Variants in POLN observed in about 807,000 individuals in gnomAD.
POLN encodes DNA polymerase N.
POLN carries 108 observed loss-of-function variants against 113.5 expected under a neutral mutation model. The ratio of observed to expected loss-of-function variants is 0.95; its 90% CI spans 0.81 to 1.12. The LOEUF (loss-of-function observed/expected upper bound fraction) is 1.12, where lower values mean the gene tolerates loss of function less well. Ranked by LOEUF, POLN falls within the 50% of genes most tolerant of loss-of-function variation. POLN has a pLI of 0.00. For missense variants in POLN, 1,097 were observed against 1,077.1 expected (o/e 1.02, Z -0.26); for synonymous variants, 386 against 391.5 (o/e 0.99, Z 0.17).
At chr4:2,174,507 C>T (rs953987613) in intron 10 of POLN, among the ~76,000 whole-genome samples, 184 bp downstream of exon 10, 15 of 152,250 alleles carry the variant, frequency 9.9e-5, no homozygotes, top group African/African-American at 2.6e-4. Flanking sequence ...CGAGTCTTTC[C>T]ACACCAAGAG....
At position 2,187,408 on chromosome 4, in the gene POLN, T is replaced by C. The variant is rs139359267; in HGVS notation, c.1021+5796A>G. On this transcript the variant is annotated intron_variant, in intron 7 of 25. Coordinates refer to ENST00000511885, the MANE Select transcript of POLN (RefSeq NM_181808.4). The stretch of plus-strand genomic sequence containing the variant: ...ACAGGTATGTGCCACCATGCCCGGC[T>C]CACTTTTGAATTTTTAGTAGAGACA... 3.0e-4 allele frequency among the ~76,000 whole-genome samples: 45 copies of C among 152,124 alleles called. 1 individual carries two copies. Among genetic ancestry groups the C allele is most frequent in the African/African-American group, 1.1e-3 (44 of 41,488 alleles).
chr4:2,148,670 C>CA (rs763357915), intron 16 of POLN, among the ~76,000 whole-genome samples: 11,884 of 62,700 alleles, frequency 0.19, 710 homozygotes, highest in African/African-American at 0.23. Context: ...CTGTCCCCCC[C>CA]CCAAAAAAAA....
chr4:2,129,410 T>TG (rs1256568422), intron 17 of POLN, among the ~76,000 whole-genome samples, 154 bp from the exon 18 acceptor site: 1 of 152,162 alleles, frequency 6.6e-6, no homozygotes, highest in African/African-American at 2.4e-5. Context: ...ATTTTAGAGA[T>TG]GGGGGTCTCA....
At chr4:2,137,995 C>T (rs904661299) in intron 16 of POLN, among the ~76,000 whole-genome samples, 16 of 152,222 alleles carry the variant, frequency 1.1e-4, no homozygotes, top group South Asian at 4.1e-4. Context: ...TACGCCACCA[C>T]GCCCAGCTAA....
At chr4:2,103,531 C>A (rs1730979977) in intron 19 of POLN, among the ~76,000 whole-genome samples, 1 of 152,086 alleles carries the variant, frequency 6.6e-6, no homozygotes, top group Non-Finnish European at 1.5e-5. Flanking sequence ...GCTCAGAAAA[C>A]CTATTTAATA....
At chr4:2,240,893 T>C in intron 2 of POLN, 1 of 1,604,040 alleles carries the variant, frequency 6.2e-7, no homozygotes, top group Non-Finnish European at 8.5e-7. Flanking sequence ...GATTATCAGC[T>C]TTGGGATAAC....
In POLN at chr4:2,121,444, A is replaced by AT. The variant is rs1361908101; in HGVS notation, c.1982+6668_1982+6669insA. Among the ~76,000 whole-genome samples, 302 of 77,598 alleles carry AT rather than the reference A, an allele frequency of 3.9e-3. 4 individuals carry two copies. In the East Asian group the frequency reaches 0.069, roughly 18 times the overall value. 50.9% of individuals were successfully genotyped at this position (77,598 alleles called of 152,430 possible). On this transcript the variant is annotated intron_variant, in intron 19 of 25. Transcript: ENST00000511885. Reference sequence around the variant, plus strand: ...AGCGAGACTCTGTCTCAAAAAAAAAAAAAAAAAAATATATATATATATCCA... The same window carrying AT: ...AGCGAGACTCTGTCTCAAAAAAAAAATAAAAAAAAATATATATATATATCCA...
chr4:2,093,756 A>AC lies in POLN; in HGVS notation c.2065+2094_2065+2095insG, dbSNP rs1730718791. ...AGCAACTCTGAGGAGAATCAATCCA[A>AC]TGTCACACTACTGTCACTCACAGAA... On this transcript the variant is annotated intron_variant, in intron 20 of 25. Transcript: ENST00000511885. The surrounding 1 kb of genome is among the most constrained non-coding windows in gnomAD (Gnocchi z 4.1). Among the ~76,000 whole-genome samples the AC allele has an allele frequency of 1.3e-5, 2 of 152,304 alleles. No homozygotes were observed. Among genetic ancestry groups the AC allele is most frequent in the Non-Finnish European group, 2.9e-5 (2 of 68,024 alleles).
chr4:2,155,551 C>G (rs1732403167), intron 16 of POLN, among the ~76,000 whole-genome samples: 1 of 152,098 alleles, frequency 6.6e-6, no homozygotes, highest in South Asian at 2.1e-4. Flanking sequence ...GAAGGCCTGA[C>G]CCTTAATGGA....
chr4:2,205,478 G>A (rs1014250557), intron 5 of POLN, among the ~76,000 whole-genome samples: 1 of 152,176 alleles, frequency 6.6e-6, no homozygotes, highest in Non-Finnish European at 1.5e-5. Context: ...GCTCATGGAA[G>A]GGTAGAATCA....
At position 2,208,026 on chromosome 4, in the gene POLN, C is replaced by T; in HGVS notation, c.675G>A (p.Val225=). Residue 225 remains valine, a synonymous_variant, in exon 5 of 26, where the codon GTG becomes GTA. Coordinates refer to ENST00000511885, the MANE Select transcript of POLN (RefSeq NM_181808.4). ...GCTGGGTGGAACCATCAGTATACATCACAGTTATCACCAGGGCTGCTGCCT... is the reference window on the plus strand; with the variant it reads ...GCTGGGTGGAACCATCAGTATACATTACAGTTATCACCAGGGCTGCTGCCT... ...LKQAAALVIT[V]MYTDGSTQLG... 17 of 1,613,908 alleles carry T rather than the reference C, an allele frequency of 1.1e-5. No homozygotes were observed. Among genetic ancestry groups the T allele is most frequent in the Non-Finnish European group, 1.4e-5 (16 of 1,179,936 alleles).
intron 16 of POLN, among the ~76,000 whole-genome samples, chr4:2,153,144 T>C (rs906860323): frequency 1.3e-5 from 2 of 152,212 alleles, no homozygotes; most frequent in African/African-American, 4.8e-5. Flanking sequence ...TGCAGGGATC[T>C]CCACAAGCTG....
At chr4:2,205,682 G>A (rs1430923744) in intron 5 of POLN, among the ~76,000 whole-genome samples, 3 of 152,098 alleles carry the variant, frequency 2.0e-5, no homozygotes, top group African/African-American at 7.2e-5. Context: ...AGACCAGCCT[G>A]GTCAATATGG....
intron 2 of POLN, among the ~76,000 whole-genome samples, chr4:2,234,742 T>C (rs1026894074): frequency 4.6e-5 from 7 of 152,334 alleles, no homozygotes; most frequent in African/African-American, 1.4e-4. Context: ...TCACCAGGAA[T>C]AGTCATTATG....
intron 2 of POLN, chr4:2,240,851 C>G: frequency 6.2e-7 from 1 of 1,613,202 alleles, no homozygotes; most frequent in Non-Finnish European, 8.5e-7. Flanking sequence ...CTTCAACGCC[C>G]TCAAACAACC....
chr4:2,142,724 AG>A (rs1732033178), intron 16 of POLN, among the ~76,000 whole-genome samples: 1 of 152,244 alleles, frequency 6.6e-6, no homozygotes, highest in Non-Finnish European at 1.5e-5. Context: ...CATTAGCCAA[AG>A]GACCAGGAAA....
At chr4:2,205,874 CA>C (rs59182481) in intron 5 of POLN, among the ~76,000 whole-genome samples, 26,901 of 82,112 alleles carry the variant, frequency 0.33, 3,421 homozygotes, top group African/African-American at 0.51. Context: ...GACTCTGTCT[CA>C]AAAAAAAAAA....
At chr4:2,143,467 A>G (rs1732056294) in intron 16 of POLN, among the ~76,000 whole-genome samples, 1 of 152,220 alleles carries the variant, frequency 6.6e-6, no homozygotes, top group Non-Finnish European at 1.5e-5. Flanking sequence ...AATTCTTCAA[A>G]AAGCAAAAAC....
At chr4:2,216,060 T>A (rs1734105603) in intron 3 of POLN, among the ~76,000 whole-genome samples, 1 of 152,164 alleles carries the variant, frequency 6.6e-6, no homozygotes, top group Non-Finnish European at 1.5e-5. Context: ...GCCAATCACA[T>A]CACCTGGGTG....
Sources: gnomAD v4.1 joint callset for allele counts (sites outside exome capture counted in the v4.1 genomes callset) on GRCh38, gnomAD v4.1.1 for gene constraint, Gnocchi (gnomAD v3.1) non-coding constraint, MANE v1.5 for transcripts, NCBI Gene and HGNC (gene_info 2026-07-23, HGNC 2026-07-21) for gene names.